Variants in PPP2R2B observed in about 807,000 individuals in gnomAD.
PPP2R2B encodes the protein protein phosphatase 2 regulatory subunit Bbeta.
In PPP2R2B, 5 loss-of-function variants were observed where a neutral mutation model predicts 46.0. That is an observed-to-expected ratio of 0.11 (90% confidence interval 0.06 to 0.23). The LOEUF (loss-of-function observed/expected upper bound fraction) is 0.23, where lower values mean the gene tolerates loss of function less well. Ranked by LOEUF, PPP2R2B falls within the 10% of genes least tolerant of loss-of-function variation. PPP2R2B has a pLI of 1.00. For synonymous variants in PPP2R2B, 215 were observed against 206.7 expected (o/e 1.04, Z -0.34); for missense variants, 367 against 575.0 (o/e 0.64, Z 3.70).
intron 1 of PPP2R2B, among the ~76,000 whole-genome samples, chr5:146,889,400 C>G (rs1762424286): frequency 6.6e-6 from 1 of 152,172 alleles, no homozygotes; most frequent in African/African-American, 2.4e-5. Flanking sequence ...GTGACCTGAA[C>G]ACTAAGTTCA....
At chr5:146,725,137 C>T (rs1162302830) in intron 2 of PPP2R2B, among the ~76,000 whole-genome samples, 1 of 152,112 alleles carries the variant, frequency 6.6e-6, no homozygotes, top group Non-Finnish European at 1.5e-5. Flanking sequence ...CCTTCCTTTC[C>T]TCACTTAGTC....
At chr5:146,764,800 C>CGAGAGAGAGA (rs67810307) in intron 2 of PPP2R2B, among the ~76,000 whole-genome samples, 2,211 of 149,910 alleles carry the variant, frequency 0.015, 51 homozygotes, top group African/African-American at 0.051. Context: ...ATCTCTATCC[C>CGAGAGAGAGA]GAGAGAGAGA....
At chr5:146,781,161 T>TG (rs1428582260) in intron 2 of PPP2R2B, among the ~76,000 whole-genome samples, 1 of 104,942 alleles carries the variant, frequency 9.5e-6, no homozygotes, top group African/African-American at 3.5e-5. Flanking sequence ...TATATATATA[T>TG]ATATATATAT....
chr5:146,908,806 C>T (rs1001677128), intron 1 of PPP2R2B, among the ~76,000 whole-genome samples: 1 of 151,898 alleles, frequency 6.6e-6, no homozygotes, highest in Non-Finnish European at 1.5e-5. Flanking sequence ...TCCCTTCCTC[C>T]CTTCCTTCCT....
intron 2 of PPP2R2B, among the ~76,000 whole-genome samples, chr5:146,742,160 G>T (rs535837386): frequency 6.6e-6 from 1 of 152,160 alleles, no homozygotes. Flanking sequence ...CCGCCGGGGG[G>T]AACTTTGCTG....
At chr5:147,023,906 G>A (rs990635780) in intron 1 of PPP2R2B, among the ~76,000 whole-genome samples, 7 of 151,724 alleles carry the variant, frequency 4.6e-5, no homozygotes, top group Non-Finnish European at 7.4e-5. Context: ...TTGCCCCCAG[G>A]CATCAAAACT....
chr5:146,766,040 G>C (rs921301914), intron 2 of PPP2R2B, among the ~76,000 whole-genome samples: 6 of 152,158 alleles, frequency 3.9e-5, no homozygotes, highest in Non-Finnish European at 7.4e-5. Flanking sequence ...TCTTTTAAAG[G>C]AAAATAAGTA....
chr5:146,953,765 A>T (rs1034903824), intron 1 of PPP2R2B, among the ~76,000 whole-genome samples: 4 of 152,152 alleles, frequency 2.6e-5, no homozygotes, highest in Non-Finnish European at 5.9e-5. Flanking sequence ...ATTCCTATTT[A>T]ACTGTTAAAA....
intron 1 of PPP2R2B, among the ~76,000 whole-genome samples, chr5:147,010,906 C>G (rs924304956): frequency 2.0e-5 from 3 of 152,160 alleles, no homozygotes; most frequent in Non-Finnish European, 2.9e-5. Flanking sequence ...CACCATTGCT[C>G]TCATCCCTGC....
chr5:146,900,923 G>A (rs746821882), intron 1 of PPP2R2B, among the ~76,000 whole-genome samples: 4 of 151,882 alleles, frequency 2.6e-5, no homozygotes, highest in Admixed American at 1.3e-4. Flanking sequence ...GAGGATGATG[G>A]CTTCCAGCTC....
intron 2 of PPP2R2B, among the ~76,000 whole-genome samples, chr5:146,824,651 G>A (rs573283324): frequency 6.6e-6 from 1 of 152,004 alleles, no homozygotes; most frequent in Admixed American, 6.6e-5. Context: ...CTTTAACAGA[G>A]ATAGAAAGAA....
intron 1 of PPP2R2B, among the ~76,000 whole-genome samples, chr5:146,910,470 C>T (rs945605104): frequency 2.0e-5 from 3 of 152,166 alleles, no homozygotes; most frequent in Admixed American, 2.0e-4. Context: ...GCAGTGAATA[C>T]CTTTATCCTT....
intron 5 of PPP2R2B, among the ~76,000 whole-genome samples, chr5:146,685,882 C>T (rs147040581): frequency 2.0e-5 from 3 of 152,090 alleles, no homozygotes. Context: ...GCCCTCACCC[C>T]CCGCCTTCCA....
rs149091147 is a variant in PPP2R2B, at chr5:146,803,332, G to A, written c.70+74670C>T. Among the ~76,000 whole-genome samples the A allele has an allele frequency of 5.4e-3, 827 of 152,256 alleles. 3 individuals are homozygous for A. Among genetic ancestry groups the A allele is most frequent in the Non-Finnish European group, 7.9e-3 (539 of 68,018 alleles). On this transcript the variant is annotated intron_variant, in intron 2 of 9. Coordinates refer to ENST00000394411, the MANE Select transcript of PPP2R2B (RefSeq NM_181675.4). ...TGCCTCATGTCAGGGAATGTTCTAA[G>A]AGAGTGCTGGGGATTATCAGCCACA... is the stretch of plus-strand genomic sequence containing the variant.
chr5:146,983,629 C>T (rs1753291209), intron 1 of PPP2R2B, among the ~76,000 whole-genome samples: 1 of 152,106 alleles, frequency 6.6e-6, no homozygotes, highest in South Asian at 2.1e-4. Context: ...AGTTTATTGT[C>T]CCCCATTTAT....
rs114393201 is a variant in PPP2R2B at position 146,790,125 on chromosome 5, G to A, written c.70+87877C>T. Reference sequence around the variant, plus strand: ...GTTAATTGCCCTTCGGGACTGCTCTGTGTATGAATGTAAAACTAGGGATTA... The same window carrying A: ...GTTAATTGCCCTTCGGGACTGCTCTATGTATGAATGTAAAACTAGGGATTA... On this transcript the variant is annotated intron_variant, in intron 2 of 9. Transcript: ENST00000394411. Among the ~76,000 whole-genome samples the A allele has an allele frequency of 7.0e-3, 1,068 of 152,346 alleles. 15 individuals carry two copies. The highest frequency in any genetic ancestry group is 0.024 in the African/African-American group (1,014 of 41,584).
intron 2 of PPP2R2B, among the ~76,000 whole-genome samples, chr5:147,075,956 T>C (rs918102112): frequency 6.6e-6 from 1 of 152,120 alleles, no homozygotes; most frequent in Non-Finnish European, 1.5e-5. Flanking sequence ...ATATTTCTAA[T>C]TATATTATCA....
intron 8 of PPP2R2B, 88 bp from the exon 9 acceptor site, chr5:146,593,150 A>G: frequency 1.8e-6 from 2 of 1,121,024 alleles, no homozygotes; most frequent in South Asian, 2.5e-5. Flanking sequence ...GTGAGCTGTT[A>G]AATCTTTCAT....
intron 5 of PPP2R2B, among the ~76,000 whole-genome samples, chr5:146,672,333 T>C (rs1224841028): frequency 6.6e-6 from 1 of 152,108 alleles, no homozygotes; most frequent in Non-Finnish European, 1.5e-5. Context: ...CTGAAGCTGT[T>C]TGGGGTACAG....
Sources: gnomAD v4.1 joint callset for allele counts (sites outside exome capture counted in the v4.1 genomes callset) on GRCh38, gnomAD v4.1.1 for gene constraint, MANE v1.5 for transcripts, NCBI Gene and HGNC (gene_info 2026-07-23, HGNC 2026-07-21) for gene names.